Variants in SEMA6A observed in about 807,000 individuals in gnomAD.
The protein encoded by SEMA6A is semaphorin-6A.
In SEMA6A, 25 loss-of-function variants were observed where a neutral mutation model predicts 96.8. That is an observed-to-expected ratio of 0.26 (90% confidence interval 0.19 to 0.36). The LOEUF is 0.36. Among genes scored for constraint, SEMA6A ranks in the 10% least tolerant of loss-of-function variants. SEMA6A has a pLI of 1.00. For synonymous variants in SEMA6A, 612 were observed against 518.0 expected (o/e 1.18, Z -2.46); for missense variants, 1,363 against 1,323.1 (o/e 1.03, Z -0.47).
chr5:116,448,071 C>T (rs1045887610), intron 18 of SEMA6A, among the ~76,000 whole-genome samples: 1 of 150,946 alleles, frequency 6.6e-6, no homozygotes, highest in Non-Finnish European at 1.5e-5. Flanking sequence ...CGGTGACTCA[C>T]GCCTGTAATC....
chr5:116,499,435 T>A (rs935207871), intron 3 of SEMA6A, among the ~76,000 whole-genome samples: 1 of 63,628 alleles, frequency 1.6e-5, no homozygotes. Context: ...GGGGGTGGGG[T>A]GCGGGGAGGG....
chr5:116,478,435 C>A lies in SEMA6A; in HGVS notation c.1427+107G>T. On this transcript the variant is annotated intron_variant, in intron 13 of 18. Coordinates refer to ENST00000343348, the MANE Select transcript of SEMA6A (RefSeq NM_020796.5). ...ATTTTTACAAACAGCACTAAAAAGT[C>A]ATCTAAAAATGCATAAAACCTCAGT... is the stretch of plus-strand genomic sequence containing the variant. 8.3e-7 allele frequency: 1 copy of A among 1,202,856 alleles called. No individual in the cohort carries two copies. Among genetic ancestry groups the A allele is most frequent in the South Asian group, 1.6e-5 (1 of 60,750 alleles). 74.5% of individuals were successfully genotyped at this position (1,202,856 alleles called of 1,614,324 possible). A position where few individuals can be genotyped will look rare whatever the true frequency, so the allele number is the denominator to read the frequency against.
At chr5:116,512,354 C>T (rs1173654478) in intron 1 of SEMA6A, among the ~76,000 whole-genome samples, 1 of 152,144 alleles carries the variant, frequency 6.6e-6, no homozygotes, top group African/African-American at 2.4e-5. Flanking sequence ...AGCATCTGGT[C>T]TTTCTTTCCT....
intron 1 of SEMA6A, among the ~76,000 whole-genome samples, chr5:116,544,341 T>C (rs1354989504): frequency 6.6e-6 from 1 of 151,918 alleles, no homozygotes; most frequent in Non-Finnish European, 1.5e-5. Context: ...TAGACTAGAG[T>C]GTAGTATAGC....
chr5:116,484,857 G>T (rs1435464700), intron 10 of SEMA6A, among the ~76,000 whole-genome samples: 1 of 152,170 alleles, frequency 6.6e-6, no homozygotes, highest in Non-Finnish European at 1.5e-5. Context: ...TCTTTGCTCC[G>T]ATCAGCCCAT....
At chr5:116,477,739 T>C (rs997533176) in intron 15 of SEMA6A, 107 bp downstream of exon 15, 3 of 1,116,100 alleles carry the variant, frequency 2.7e-6, no homozygotes, top group Non-Finnish European at 4.0e-6. Flanking sequence ...TGCTGGAGTT[T>C]GCACAGAAAG....
At chr5:116,483,592 T>C (rs1756900041) in intron 10 of SEMA6A, among the ~76,000 whole-genome samples, 1 of 152,224 alleles carries the variant, frequency 6.6e-6, no homozygotes, top group South Asian at 2.1e-4. Flanking sequence ...ATTAGGAGAA[T>C]TTATTCCATC....
intron 1 of SEMA6A, among the ~76,000 whole-genome samples, chr5:116,545,430 C>G (rs1252580830): frequency 2.0e-5 from 3 of 151,952 alleles, no homozygotes; most frequent in African/African-American, 4.8e-5. Context: ...ATTACCCAGG[C>G]GTGGTGGCAG....
rs2112665110 is a variant in SEMA6A, at chr5:116,472,040, G to T, written c.1729+1033C>A. Among the ~76,000 whole-genome samples, 3 of 152,118 alleles carry T rather than the reference G, an allele frequency of 2.0e-5. 1 individual carries two copies. Among genetic ancestry groups the T allele is most frequent in the Admixed American group, 2.0e-4 (3 of 15,276 alleles). On this transcript the variant is annotated intron_variant, in intron 17 of 18. Coordinates refer to ENST00000343348, the MANE Select transcript of SEMA6A (RefSeq NM_020796.5). Reference sequence around the variant, plus strand: ...AACTATAAAATGGCTGTGTATACATGAAACTCACAGCTTGCATTATAATGC... The same window carrying T: ...AACTATAAAATGGCTGTGTATACATTAAACTCACAGCTTGCATTATAATGC...
intron 10 of SEMA6A, among the ~76,000 whole-genome samples, chr5:116,486,405 G>C (rs1008884236): frequency 3.3e-5 from 5 of 152,106 alleles, no homozygotes; most frequent in Admixed American, 2.6e-4. Flanking sequence ...AGTATAATAT[G>C]TCGAGCTCAC....
intron 2 of SEMA6A, among the ~76,000 whole-genome samples, chr5:116,503,425 A>G (rs969281791): frequency 2.0e-5 from 3 of 152,008 alleles, no homozygotes; most frequent in African/African-American, 4.8e-5. Flanking sequence ...CATCAAGGAG[A>G]TTGCTAAAAC....
chr5:116,567,165 A>C (rs576573666), intron 1 of SEMA6A, among the ~76,000 whole-genome samples: 7 of 152,270 alleles, frequency 4.6e-5, no homozygotes, highest in African/African-American at 1.7e-4. Flanking sequence ...TTTTATATAT[A>C]GTGGTTTTTT....
intron 16 of SEMA6A, among the ~76,000 whole-genome samples, chr5:116,474,159 T>C (rs1756319570): frequency 6.6e-6 from 1 of 150,698 alleles, no homozygotes. Context: ...TATTTTCTGA[T>C]TTGATCCAAA....
intron 1 of SEMA6A, among the ~76,000 whole-genome samples, chr5:116,522,106 T>C (rs975364460): frequency 2.6e-5 from 4 of 152,194 alleles, no homozygotes; most frequent in Non-Finnish European, 1.5e-5. Context: ...TTTTAAAGTG[T>C]CGTGAATATT....
intron 10 of SEMA6A, among the ~76,000 whole-genome samples, chr5:116,485,137 G>A (rs765401719): frequency 1.1e-4 from 17 of 152,192 alleles, no homozygotes; most frequent in Admixed American, 5.9e-4. Context: ...AAACAAATAT[G>A]ATTTCTGAGA....
Position 116,496,247 on chromosome 5 carries a change from C to G in SEMA6A, c.342+4G>C. On this transcript the variant is annotated splice_donor_region_variant and intron_variant, in intron 5 of 18. Coordinates refer to ENST00000343348, the MANE Select transcript of SEMA6A (RefSeq NM_020796.5). ...CAGCTGCAGGAGAAATGAAAATTGC[C>G]TACCTTATGTTTTCCCTTCATTCTG... The G allele has an allele frequency of 6.2e-7, 1 of 1,613,202 alleles. No individual in the cohort carries two copies. The highest frequency in any genetic ancestry group is 8.5e-7 in the Non-Finnish European group (1 of 1,179,390).
intron 1 of SEMA6A, among the ~76,000 whole-genome samples, chr5:116,510,722 C>G (rs558362572): frequency 3.7e-4 from 56 of 152,228 alleles, no homozygotes; most frequent in South Asian, 1.2e-3. Context: ...CTCTCTCCCC[C>G]ACCCACTTCA....
chr5:116,449,540 C>A, intron 18 of SEMA6A: 1 of 546,908 alleles, frequency 1.8e-6, no homozygotes, highest in Non-Finnish European at 3.2e-6. Context: ...GGTTTTTCTG[C>A]TAAAATATTT....
intron 18 of SEMA6A, chr5:116,449,513 T>C: frequency 1.8e-6 from 1 of 566,808 alleles, no homozygotes; most frequent in Non-Finnish European, 3.1e-6. Flanking sequence ...GCCGAGACCT[T>C]GAAGCTTTCT....
Sources: allele counts gnomAD v4.1 joint callset (sites outside exome capture counted in the v4.1 genomes callset), GRCh38; gene constraint gnomAD v4.1.1; transcripts MANE v1.5; gene names NCBI Gene and HGNC (gene_info 2026-07-23, HGNC 2026-07-21).